The following RIC1 variants were observed in gnomAD, a reference collection of about 807,000 sequenced individuals.
The protein encoded by RIC1 is RIC1 partner of RAB6A GEF complex.
Under a neutral mutation model 169.0 loss-of-function variants are expected in RIC1, and 88 were observed. The observed-to-expected ratio is 0.52, with a 90% confidence interval of 0.44 to 0.62. The LOEUF (loss-of-function observed/expected upper bound fraction) is 0.62. Ranked by LOEUF, RIC1 falls within the 20% of genes least tolerant of loss-of-function variation. RIC1 has a pLI of 0.00. For missense variants in RIC1, 1,877 were observed against 1,725.5 expected (o/e 1.09, Z -1.56); for synonymous variants, 790 against 601.5 (o/e 1.31, Z -4.59).
rs1224463960 is a variant in RIC1, at chr9:5,776,521, C to G, written c.*2275C>G. On this transcript the variant is annotated 3_prime_UTR_variant, in exon 26 of 26. Transcript: ENST00000414202. Reference sequence around the variant, plus strand: ...TGCTATTTCTGTAATGTGTATTTTTCTCCCCTTGGTAAAGGGCAATAAAAC... The same window carrying G: ...TGCTATTTCTGTAATGTGTATTTTTGTCCCCTTGGTAAAGGGCAATAAAAC... 3 of 151,976 alleles carry G rather than the reference C, an allele frequency of 2.0e-5. No individual in the cohort carries two copies. The highest frequency in any genetic ancestry group is 7.2e-5 in the African/African-American group (3 of 41,424). The allele number at this position is 151,976 out of a possible 1,614,324, so 9.4% of individuals were successfully genotyped here.
intron 3 of RIC1, among the ~76,000 whole-genome samples, chr9:5,700,139 G>T (rs775447733): frequency 8.6e-5 from 13 of 150,294 alleles, no homozygotes; most frequent in Non-Finnish European, 1.6e-4. Context: ...CACAAATTCT[G>T]CCATGGCTTG....
intron 21 of RIC1, among the ~76,000 whole-genome samples, chr9:5,767,383 C>G (rs1450922293): frequency 6.6e-6 from 1 of 152,012 alleles, no homozygotes; most frequent in Non-Finnish European, 1.5e-5. Context: ...AGAATTTCCT[C>G]TGGTTTGTGA....
intron 6 of RIC1, among the ~76,000 whole-genome samples, chr9:5,728,745 A>G (rs1264516413): frequency 2.0e-5 from 3 of 152,198 alleles, no homozygotes; most frequent in South Asian, 2.1e-4. Flanking sequence ...CTTGCTTACT[A>G]TAATCTTTAA....
At chr9:5,668,046 T>C (rs1190086025) in intron 2 of RIC1, among the ~76,000 whole-genome samples, 3 of 152,136 alleles carry the variant, frequency 2.0e-5, no homozygotes, top group Admixed American at 1.3e-4. Flanking sequence ...TCAGGAAAAT[T>C]ACAATCATGG....
rs540742996 is a variant in RIC1, at chr9:5,678,542, A to G, written c.253-11417A>G. Among the ~76,000 whole-genome samples the G allele has an allele frequency of 4.0e-3, 610 of 151,992 alleles. 1 individual carries two copies. Among genetic ancestry groups the G allele is most frequent in the African/African-American group, 0.014 (579 of 41,406 alleles). ...CTGACTTTTTAATGATTGCCATTCT[A>G]ACTGGTGTGAGATGATATCTCATAG... On this transcript the variant is annotated intron_variant, in intron 2 of 25. Coordinates refer to ENST00000414202, the MANE Select transcript of RIC1 (RefSeq NM_020829.4).
chr9:5,773,301 G>A (rs939558423), intron 25 of RIC1: 2 of 195,250 alleles, frequency 1.0e-5, no homozygotes, highest in Non-Finnish European at 2.0e-5. Context: ...GTTGGTCAGT[G>A]TATAATTTAT....
At chr9:5,675,840 T>A (rs1820409543) in intron 2 of RIC1, among the ~76,000 whole-genome samples, 1 of 152,188 alleles carries the variant, frequency 6.6e-6, no homozygotes, top group Non-Finnish European at 1.5e-5. Flanking sequence ...ATACTGAATA[T>A]AAAAATTATG....
Position 5,757,298 on chromosome 9 carries a change from C to G in RIC1, c.1854-15C>G. 6.2e-7 allele frequency: 1 copy of G among 1,613,420 alleles called. No homozygotes were observed. Among genetic ancestry groups the G allele is most frequent in the Non-Finnish European group, 8.5e-7 (1 of 1,179,576 alleles). On this transcript the variant is annotated splice_polypyrimidine_tract_variant and intron_variant, in intron 16 of 25. Coordinates refer to ENST00000414202, the MANE Select transcript of RIC1 (RefSeq NM_020829.4). Reference sequence around the variant, plus strand: ...CATTGTTGTTGAGGTATGTGGGTTTCTTTTGTTTTTACAGTCCAAATACTA... The same window carrying G: ...CATTGTTGTTGAGGTATGTGGGTTTGTTTTGTTTTTACAGTCCAAATACTA...
rs768780530 is a variant in RIC1, at chr9:5,654,939, C to T, written c.145-1644C>T. On this transcript the variant is annotated intron_variant, in intron 1 of 25. Transcript: ENST00000414202. ...GACTTTTGTATATTAATCTTGGATC[C>T]TGTAACCTTGCTATAGTTACTTATT... Among the ~76,000 whole-genome samples, 33 of 152,310 alleles carry T rather than the reference C, an allele frequency of 2.2e-4. No homozygotes were observed. The South Asian group carries it at 2.3e-3, about 11-fold the overall frequency.
At chr9:5,742,619 T>C (rs953842427) in intron 8 of RIC1, among the ~76,000 whole-genome samples, 1 of 152,150 alleles carries the variant, frequency 6.6e-6, no homozygotes, top group South Asian at 2.1e-4. Context: ...ATCAAGCTAA[T>C]AGTGACTAGA....
At chr9:5,662,557 C>G (rs181902831) in intron 2 of RIC1, among the ~76,000 whole-genome samples, 23 of 151,564 alleles carry the variant, frequency 1.5e-4, no homozygotes. Flanking sequence ...CTTCCTGGTT[C>G]AGTCTTAGGG....
chr9:5,637,070 T>G (rs572507132), intron 1 of RIC1, among the ~76,000 whole-genome samples: 2 of 152,290 alleles, frequency 1.3e-5, no homozygotes, highest in African/African-American at 4.8e-5. Context: ...TTTGTTTGTT[T>G]GTTTTTGAGA....
intron 1 of RIC1, among the ~76,000 whole-genome samples, chr9:5,653,748 C>G (rs780234458): frequency 6.6e-6 from 1 of 152,016 alleles, no homozygotes; most frequent in Non-Finnish European, 1.5e-5. Flanking sequence ...CAGGTGCACA[C>G]CACTACGCCC....
chr9:5,755,770 A>G (rs1825972341), intron 15 of RIC1, among the ~76,000 whole-genome samples: 1 of 152,050 alleles, frequency 6.6e-6, no homozygotes, highest in Non-Finnish European at 1.5e-5. Flanking sequence ...TAAAAATGCA[A>G]AAATTATCCA....
At chr9:5,721,722 T>C (rs115221745) in intron 6 of RIC1, among the ~76,000 whole-genome samples, 1 of 152,154 alleles carries the variant, frequency 6.6e-6, no homozygotes, top group East Asian at 1.9e-4. Context: ...TATTTTTCCT[T>C]TACTGCAGAT....
rs534856818 is a variant in RIC1, at chr9:5,711,151, A to G, written c.333-2745A>G. The stretch of plus-strand genomic sequence containing the variant: ...TTCAGAACCCATCGGATATATAAAA[A>G]GAAGATCCTAGGTACTTCAGAGGAA... On this transcript the variant is annotated intron_variant, in intron 3 of 25. Coordinates refer to ENST00000414202, the MANE Select transcript of RIC1 (RefSeq NM_020829.4). Among the ~76,000 whole-genome samples, 167 of 152,288 alleles carry G rather than the reference A, an allele frequency of 1.1e-3. 2 individuals are homozygous for G. The highest frequency in any genetic ancestry group is 3.8e-3 in the African/African-American group (158 of 41,562).
chr9:5,688,922 C>T (rs747414028), intron 2 of RIC1, among the ~76,000 whole-genome samples: 30 of 151,496 alleles, frequency 2.0e-4, no homozygotes, highest in Non-Finnish European at 3.7e-4. Flanking sequence ...CTGGAAACAG[C>T]TAAATATAAT....
intron 1 of RIC1, among the ~76,000 whole-genome samples, chr9:5,638,984 C>T (rs181296797): frequency 3.9e-5 from 6 of 152,246 alleles, no homozygotes; most frequent in African/African-American, 9.6e-5. Flanking sequence ...GGTGCAATCT[C>T]GTCTCACTGT....
At chr9:5,658,378 A>G (rs1248815691) in intron 2 of RIC1, among the ~76,000 whole-genome samples, 2 of 152,238 alleles carry the variant, frequency 1.3e-5, no homozygotes, top group South Asian at 2.1e-4. Flanking sequence ...GCTCACCACA[A>G]AATTCCTTCA....
Sources: gnomAD v4.1 joint callset for allele counts (sites outside exome capture counted in the v4.1 genomes callset) on GRCh38, gnomAD v4.1.1 for gene constraint, MANE v1.5 for transcripts, NCBI Gene and HGNC (gene_info 2026-07-23, HGNC 2026-07-21) for gene names.